The following DDX21 variants were observed in gnomAD, a reference collection of about 807,000 sequenced individuals.
The protein encoded by DDX21 is DExD-box helicase 21.
Under a neutral mutation model 90.0 loss-of-function variants are expected in DDX21, and 18 were observed. The ratio of observed to expected loss-of-function variants is 0.20; its 90% CI spans 0.14 to 0.30. The LOEUF (loss-of-function observed/expected upper bound fraction) is 0.30, where lower values mean the gene tolerates loss of function less well. Among genes scored for constraint, DDX21 ranks in the 10% least tolerant of loss-of-function variants. The pLI is 1.00. For synonymous variants in DDX21, 294 were observed against 318.0 expected (o/e 0.92, Z 0.80); for missense variants, 673 against 944.5 (o/e 0.71, Z 3.77).
At position 68,973,648 on chromosome 10, in the gene DDX21, A is replaced by C; in HGVS notation, c.1652A>C (p.Gln551Pro). Residue 551 changes from glutamine (Q) to proline (P), a missense_variant, in exon 10 of 15, where the codon CAA becomes CCA. Gln to Pro is a moderately conservative substitution (Grantham distance 76, BLOSUM62 -1). Around this residue, in one of 4 missense-constraint regions of DDX21, gnomAD observed 225 missense variants for 298.8 expected, o/e 0.75. Transcript: ENST00000354185. ...CACAAGGAAGAATATCAGTTAGTAC[A>C]AGTGGAGCAAAAAGCGGTAAAACTA... Reference protein sequence around the residue: ...YQHKEEYQLVQVEQKAGIKFK... With the variant: ...YQHKEEYQLVPVEQKAGIKFK... 1 of 1,613,890 alleles carries C rather than the reference A, an allele frequency of 6.2e-7. No homozygotes were observed. Among genetic ancestry groups the C allele is most frequent in the East Asian group, 2.2e-5 (1 of 44,876 alleles).
Position 68,956,215 on chromosome 10 carries a change from C to T in DDX21, c.-11C>T, listed in dbSNP as rs1213725078. The stretch of plus-strand genomic sequence containing the variant: ...GAGAAGACCGGTCGGCCTGGGCAAC[C>T]TGCGCTGAAGATGCCGGGAAAACTC... On this transcript the variant is annotated 5_prime_UTR_variant, in exon 1 of 15. Coordinates refer to ENST00000354185, the MANE Select transcript of DDX21 (RefSeq NM_004728.4). 1.2e-6 allele frequency: 2 copies of T among 1,613,766 alleles called. No homozygotes were observed. The highest frequency in any genetic ancestry group is 1.7e-6 in the Non-Finnish European group (2 of 1,179,816).
rs1842951223 is a variant in DDX21 at position 68,967,203 on chromosome 10, G to C, written c.1090G>C (p.Asp364His). ...EEILSVAYKK[D>H]SEDNPQTLLF... is the part of the protein sequence containing the mutation. ...GATTTTAAGTGTGGCATACAAGAAA[G>C]GTAATCCACAAATTCAAGAAGCTGA... The change falls in exon 6 of 15, where the codon GAT becomes CAT. Residue 364 changes from aspartate (D) to histidine (H), a missense_variant and splice_region_variant. By Grantham distance (81) the Asp-to-His change is moderately conservative. Transcript: ENST00000354185. 1 of 1,604,870 alleles carries C rather than the reference G, an allele frequency of 6.2e-7. No individual in the cohort carries two copies. Among genetic ancestry groups the C allele is most frequent in the Non-Finnish European group, 8.5e-7 (1 of 1,174,340 alleles).
At chr10:68,957,971 A>C (rs1358032729) in intron 1 of DDX21, among the ~76,000 whole-genome samples, 1 of 152,194 alleles carries the variant, frequency 6.6e-6, no homozygotes, top group Non-Finnish European at 1.5e-5. Flanking sequence ...AGCCACAGTC[A>C]TCTGTCTTAC....
At chr10:68,975,151 A>C (rs766504488) in intron 11 of DDX21, among the ~76,000 whole-genome samples, 2 of 152,236 alleles carry the variant, frequency 1.3e-5, no homozygotes, top group Non-Finnish European at 2.9e-5. Context: ...GGTATAGTAT[A>C]GGTGCTTCTC....
At chr10:68,963,220 A>T in intron 3 of DDX21, 71 bp from the exon 4 acceptor site, 1 of 1,449,904 alleles carries the variant, frequency 6.9e-7, no homozygotes, top group African/African-American at 1.4e-5. Flanking sequence ...TGAGTAGTAT[A>T]CTTCAGTATG....
chr10:68,977,283 G>A (rs753447214), intron 11 of DDX21, among the ~76,000 whole-genome samples: 10 of 152,116 alleles, frequency 6.6e-5, no homozygotes, highest in Non-Finnish European at 1.0e-4. Flanking sequence ...AAGTAACACC[G>A]TGGTGAACTT....
At chr10:68,960,899 G>A (rs1413003333) in intron 2 of DDX21, among the ~76,000 whole-genome samples, 2 of 152,132 alleles carry the variant, frequency 1.3e-5, no homozygotes, top group African/African-American at 4.8e-5. Context: ...AAGAGATACA[G>A]TTTTGTAAAT....
At chr10:68,957,999 C>T (rs1164599344) in intron 1 of DDX21, among the ~76,000 whole-genome samples, 1 of 152,196 alleles carries the variant, frequency 6.6e-6, no homozygotes, top group African/African-American at 2.4e-5. Flanking sequence ...TAAGGTGTCA[C>T]TCCTTCCATA....
intron 1 of DDX21, among the ~76,000 whole-genome samples, chr10:68,958,850 C>T (rs913331380): frequency 2.3e-4 from 35 of 152,194 alleles, no homozygotes; most frequent in African/African-American, 8.0e-4. Flanking sequence ...GCTGAGATTA[C>T]AGGCATGAAC....
intron 4 of DDX21, among the ~76,000 whole-genome samples, 156 bp downstream of exon 4, chr10:68,963,625 A>G (rs991166910): frequency 1.3e-5 from 2 of 152,166 alleles, no homozygotes; most frequent in African/African-American, 2.4e-5. Context: ...CAATTCTTTT[A>G]TATTTAATAA....
chr10:68,965,251 G>A (rs759477034), intron 4 of DDX21, 126 bp from the exon 5 acceptor site: 24 of 637,966 alleles, frequency 3.8e-5, no homozygotes, highest in Non-Finnish European at 6.2e-5. Context: ...ATTAGATAAT[G>A]TTATCGTCAT....
rs1254313376 is a variant in DDX21, at chr10:68,984,919, T to TA, written c.*2108dup. The TA allele has an allele frequency of 6.6e-6, 1 of 152,206 alleles. No homozygotes were observed. Among genetic ancestry groups the TA allele is most frequent in the Non-Finnish European group, 1.5e-5 (1 of 68,034 alleles). 9.4% of individuals were successfully genotyped at this position (152,206 alleles called of 1,614,324 possible). Reference sequence around the variant, plus strand: ...TTAGCTTGGTAAATGTTATAATTTTTACTATTTTCTACAAAGAAAATATTT... The same window carrying TA: ...TTAGCTTGGTAAATGTTATAATTTTTAACTATTTTCTACAAAGAAAATATTT... On this transcript the variant is annotated 3_prime_UTR_variant, in exon 15 of 15. Coordinates refer to ENST00000354185, the MANE Select transcript of DDX21 (RefSeq NM_004728.4).
chr10:68,960,242 T>A lies in DDX21; in HGVS notation c.524T>A (p.Ile175Lys), dbSNP rs368402384. 1 of 1,596,088 alleles carries A rather than the reference T, an allele frequency of 6.3e-7. No homozygotes were observed. The highest frequency in any genetic ancestry group is 8.5e-7 in the Non-Finnish European group (1 of 1,175,368). Residue 175 changes from isoleucine (I) to lysine (K), a missense_variant, in exon 2 of 15, where the codon ATA (isoleucine) becomes AAA (lysine). Coordinates refer to ENST00000354185, the MANE Select transcript of DDX21 (RefSeq NM_004728.4). ...EAASEESNSE[I>K]EQEIPVEQKE... ...GCCAGTGAAGAAAGTAACAGTGAGA[T>A]AGAGCAGGTACATTTGCACTTCATT... is the stretch of plus-strand genomic sequence containing the variant.
intron 5 of DDX21, 39 bp downstream of exon 5, chr10:68,965,533 C>A: frequency 7.2e-7 from 1 of 1,396,238 alleles, no homozygotes; most frequent in South Asian, 1.2e-5. Flanking sequence ...ATAATGCCAC[C>A]CATTGTTGAC....
At chr10:68,970,442 A>G (rs917182096) in intron 8 of DDX21, 92 bp downstream of exon 8, 4 of 1,237,252 alleles carry the variant, frequency 3.2e-6, no homozygotes, top group African/African-American at 3.1e-5. Flanking sequence ...TCATTCATTC[A>G]GTGAATACCA....
intron 1 of DDX21, chr10:68,956,543 A>G: frequency 7.2e-7 from 1 of 1,381,842 alleles, no homozygotes; most frequent in Non-Finnish European, 9.4e-7. Flanking sequence ...TCTTCCTCTG[A>G]GCTTATAGGC....
At position 68,982,776 on chromosome 10, in the gene DDX21, C is replaced by T; in HGVS notation, c.2316C>T (p.Gly772=). The T allele has an allele frequency of 6.2e-7, 1 of 1,613,984 alleles. No individual in the cohort carries two copies. The highest frequency in any genetic ancestry group is 8.5e-7 in the Non-Finnish European group (1 of 1,179,972). The change falls in exon 15 of 15, where the codon GGC becomes GGT. Residue 772 remains glycine, a synonymous_variant. Transcript: ENST00000354185. ...AAAGTAACAGATCCCAAAACAAAGGCCAGAAGCGGAGTTTCAGTAAAGCAT... is the reference window on the plus strand; with the variant it reads ...AAAGTAACAGATCCCAAAACAAAGGTCAGAAGCGGAGTTTCAGTAAAGCAT... ...GNKSNRSQNK[G]QKRSFSKAFG...
At position 68,959,789 on chromosome 10, in the gene DDX21, T is replaced by G. The variant is rs1842848830; in HGVS notation, c.88-17T>G. The G allele has an allele frequency of 6.6e-7, 1 of 1,510,300 alleles. No individual in the cohort carries two copies. The highest frequency in any genetic ancestry group is 2.3e-5 in the East Asian group (1 of 42,652). The allele number at this position is 1,510,300 out of a possible 1,614,324, so 93.6% of individuals were successfully genotyped here. ...GCCTTATTCAGTGTTTGTATTTTCC[T>G]TATGAATTTTTTTTAGAAAGAGAAA... On this transcript the variant is annotated splice_polypyrimidine_tract_variant and intron_variant, in intron 1 of 14. Transcript: ENST00000354185.
chr10:68,961,492 T>G (rs558737272), intron 2 of DDX21, among the ~76,000 whole-genome samples: 1 of 152,226 alleles, frequency 6.6e-6, no homozygotes, highest in East Asian at 1.9e-4. Context: ...CTATTATTTT[T>G]AATCAGATTA....
Sources: allele counts gnomAD v4.1 joint callset (sites outside exome capture counted in the v4.1 genomes callset), GRCh38; gene constraint gnomAD v4.1.1; regional missense constraint gnomAD v4.1.1; transcripts MANE v1.5; gene names NCBI Gene and HGNC (gene_info 2026-07-23, HGNC 2026-07-21).